The following SCUBE1 variants were observed in gnomAD, a reference collection of about 807,000 sequenced individuals.
The protein encoded by SCUBE1 is signal peptide, CUB domain and EGF like domain containing 1.
In SCUBE1, 59 loss-of-function variants were observed where a neutral mutation model predicts 124.4. That is an observed-to-expected ratio of 0.47 (90% CI 0.38 to 0.59). SCUBE1 has a LOEUF of 0.59. SCUBE1 is among the 20% of genes least tolerant of loss of function. The probability of loss-of-function intolerance (pLI) is 0.00; values close to 1 mark genes in which losing one functional copy is unlikely to be tolerated. For missense variants in SCUBE1, 1,150 were observed against 1,371.2 expected (o/e 0.84, Z 2.55); for synonymous variants, 545 against 550.9 (o/e 0.99, Z 0.15).
At chr22:43,231,142 C>T (rs973980244) in intron 8 of SCUBE1, among the ~76,000 whole-genome samples, 20 of 152,216 alleles carry the variant, frequency 1.3e-4, no homozygotes, top group African/African-American at 1.7e-4. Context: ...CTCCTCAGGC[C>T]GGCAGCGCCA....
intron 4 of SCUBE1, among the ~76,000 whole-genome samples, chr22:43,269,979 T>TA (rs1185574565): frequency 2.0e-5 from 3 of 152,170 alleles, no homozygotes; most frequent in African/African-American, 7.2e-5. Flanking sequence ...AGAGACTCCT[T>TA]ACCTCACGGA....
intron 2 of SCUBE1, among the ~76,000 whole-genome samples, chr22:43,337,295 C>T (rs892777525): frequency 2.0e-5 from 3 of 152,066 alleles, no homozygotes; most frequent in Non-Finnish European, 4.4e-5. Flanking sequence ...CAGGTAAGGC[C>T]TCCCGGGCAG....
intron 6 of SCUBE1, among the ~76,000 whole-genome samples, chr22:43,250,229 T>A (rs1277385700): frequency 6.6e-6 from 1 of 152,218 alleles, no homozygotes; most frequent in Non-Finnish European, 1.5e-5. Flanking sequence ...TCTGGACGCC[T>A]GGGGGCTCCT....
intron 4 of SCUBE1, among the ~76,000 whole-genome samples, chr22:43,266,425 C>T (rs1344635606): frequency 6.6e-6 from 1 of 152,226 alleles, no homozygotes; most frequent in Non-Finnish European, 1.5e-5. Context: ...CTGTCAGCTG[C>T]ATTGCTTTCA....
chr22:43,339,704 A>G (rs987181556), intron 1 of SCUBE1, among the ~76,000 whole-genome samples: 15 of 61,590 alleles, frequency 2.4e-4, no homozygotes, highest in Middle Eastern at 0.01. Flanking sequence ...CATTGCTCCA[A>G]CCCTCCCCCA....
chr22:43,296,814 C>A (rs967431284), intron 3 of SCUBE1, among the ~76,000 whole-genome samples: 12 of 152,136 alleles, frequency 7.9e-5, no homozygotes, highest in Admixed American at 5.2e-4. Flanking sequence ...GAAGGTGGAA[C>A]CTTGGTGGGC....
At chr22:43,227,956 G>A (rs1426257580) in intron 9 of SCUBE1, among the ~76,000 whole-genome samples, 1 of 152,184 alleles carries the variant, frequency 6.6e-6, no homozygotes, top group African/African-American at 2.4e-5. Context: ...CTGACCAAAA[G>A]CACCCGCTGA....
chr22:43,314,566 A>G (rs1926279419), intron 3 of SCUBE1, among the ~76,000 whole-genome samples: 1 of 152,164 alleles, frequency 6.6e-6, no homozygotes, highest in African/African-American at 2.4e-5. Context: ...TCCACATTAC[A>G]TGCTGGGTAT....
intron 10 of SCUBE1, among the ~76,000 whole-genome samples, chr22:43,226,432 G>GC (rs564397777): frequency 6.6e-6 from 1 of 152,016 alleles, no homozygotes; most frequent in Non-Finnish European, 1.5e-5. Context: ...GGTGTGGGGG[G>GC]GCCCTCCAGG....
At position 43,258,271 on chromosome 22, in the gene SCUBE1, C is replaced by A. The variant is rs768965607; in HGVS notation, c.675G>T (p.Thr225=). Residue 225 remains threonine, a synonymous_variant, in exon 6 of 22, where the codon ACG becomes ACT. Coordinates refer to ENST00000360835, the MANE Select transcript of SCUBE1 (RefSeq NM_173050.5). The surrounding 1 kb of genome is among the most constrained non-coding windows in gnomAD (Gnocchi z 5.0). Reference sequence around the variant, plus strand: ...GGGCGTACTTCTGGTGGCAACCACACGTGGGGCCTGTGTCTGTGTCCTCAC... The same window carrying A: ...GGGCGTACTTCTGGTGGCAACCACAAGTGGGGCCTGTGTCTGTGTCCTCAC... ...HSCEDTDTGP[T]CGCHQKYALH... 6.2e-7 allele frequency: 1 copy of A among 1,614,030 alleles called. No individual in the cohort carries two copies. The highest frequency in any genetic ancestry group is 8.5e-7 in the Non-Finnish European group (1 of 1,180,010).
chr22:43,326,239 C>T lies in SCUBE1; in HGVS notation c.221-6174G>A, dbSNP rs146069629. ...TTCCTCAAGAACAGTGGAGACCAAA[C>T]GCTCTAACAAAGACCCCTTTCCTGG... On this transcript the variant is annotated intron_variant, in intron 2 of 21. Transcript: ENST00000360835. Among the ~76,000 whole-genome samples, 345 of 152,298 alleles carry T rather than the reference C, an allele frequency of 2.3e-3. 1 individual carries two copies. The highest frequency in any genetic ancestry group is 7.9e-3 in the African/African-American group (328 of 41,556).
rs1569495487 is a variant in SCUBE1, at chr22:43,210,289, GC to G, written c.2384-50del. On this transcript the variant is annotated intron_variant, in intron 18 of 21. Transcript: ENST00000360835. The surrounding 1 kb of genome is among the most constrained non-coding windows in gnomAD (Gnocchi z 4.5). Reference sequence around the variant, plus strand: ...CCTCATCAGGCTCTGCTGGGCAGGGGCCCTGGCCGGCCAGGCCTCTAACCAC... The same window carrying G: ...CCTCATCAGGCTCTGCTGGGCAGGGGCCTGGCCGGCCAGGCCTCTAACCAC... The G allele has an allele frequency of 6.9e-7, 1 of 1,449,584 alleles. No homozygotes were observed. The highest frequency in any genetic ancestry group is 2.5e-5 in the East Asian group (1 of 39,600). 89.8% of individuals were successfully genotyped at this position (1,449,584 alleles called of 1,614,324 possible).
chr22:43,299,187 G>C (rs896480582), intron 3 of SCUBE1, among the ~76,000 whole-genome samples: 5 of 152,208 alleles, frequency 3.3e-5, no homozygotes, highest in African/African-American at 1.2e-4. Context: ...TGAGGTGTTT[G>C]GGAGTCAAAG....
At chr22:43,226,404 GGAGGAGT>G (rs1460309811) in intron 10 of SCUBE1, among the ~76,000 whole-genome samples, 2 of 149,720 alleles carry the variant, frequency 1.3e-5, no homozygotes, top group Admixed American at 1.3e-4. Context: ...TCACAGCAAG[GGAGGAGT>G]GAGGAGTGCT....
At chr22:43,206,097 A>T in intron 21 of SCUBE1, among the ~76,000 whole-genome samples, 1 of 109,364 alleles carries the variant, frequency 9.1e-6, no homozygotes, top group Non-Finnish European at 1.9e-5. Flanking sequence ...ACCCCCATAC[A>T]CACCACACAT....
chr22:43,205,155 C>T (rs1921170398), intron 21 of SCUBE1, among the ~76,000 whole-genome samples: 1 of 152,142 alleles, frequency 6.6e-6, no homozygotes, highest in Non-Finnish European at 1.5e-5. Flanking sequence ...ACAGAGAGGT[C>T]ACGATGCCTC....
intron 4 of SCUBE1, among the ~76,000 whole-genome samples, chr22:43,288,969 A>T (rs1350700593): frequency 1.3e-5 from 2 of 152,234 alleles, no homozygotes; most frequent in East Asian, 3.8e-4. Context: ...AGCACAGCAG[A>T]TGCTTACAGG....
intron 3 of SCUBE1, among the ~76,000 whole-genome samples, chr22:43,298,048 C>T (rs997753891): frequency 1.3e-5 from 2 of 152,248 alleles, no homozygotes; most frequent in African/African-American, 2.4e-5. Flanking sequence ...AGGCCCCCAC[C>T]GCCTGCCGGC....
At chr22:43,276,352 T>C (rs1477030844) in intron 4 of SCUBE1, among the ~76,000 whole-genome samples, 2 of 152,148 alleles carry the variant, frequency 1.3e-5, no homozygotes, top group African/African-American at 2.4e-5. Context: ...AGAAGTCCCA[T>C]GGGACGTACA....
Sources: gnomAD v4.1 joint callset for allele counts (sites outside exome capture counted in the v4.1 genomes callset) on GRCh38, gnomAD v4.1.1 for gene constraint, Gnocchi (gnomAD v3.1) non-coding constraint, MANE v1.5 for transcripts, NCBI Gene and HGNC (gene_info 2026-07-23, HGNC 2026-07-21) for gene names.